Variants in IKZF3 observed in about 807,000 individuals in gnomAD.
IKZF3 encodes IKAROS family zinc finger 3, also known as zinc finger protein Aiolos.
IKZF3 carries 10 observed loss-of-function variants against 49.0 expected under a neutral mutation model. That is an observed-to-expected ratio of 0.20 (90% CI 0.13 to 0.35). The LOEUF (loss-of-function observed/expected upper bound fraction) is 0.35. Ranked by LOEUF, IKZF3 falls within the 10% of genes least tolerant of loss-of-function variation. IKZF3 has a pLI of 1.00. For synonymous variants in IKZF3, 209 were observed against 228.2 expected, an observed-to-expected ratio of 0.92 and a Z score of 0.76; for missense variants, 498 against 664.8, an observed-to-expected ratio of 0.75 and a Z score of 2.76.
intron 3 of IKZF3, among the ~76,000 whole-genome samples, chr17:39,794,656 T>C (rs1277800957): frequency 6.6e-6 from 1 of 152,188 alleles, no homozygotes; most frequent in African/African-American, 2.4e-5. Flanking sequence ...GTAGGATAAG[T>C]CCAACATGTT....
chr17:39,802,606 CA>C (rs34276646), intron 3 of IKZF3, among the ~76,000 whole-genome samples: 12,927 of 94,606 alleles, frequency 0.14, 1,064 homozygotes, highest in African/African-American at 0.31. Flanking sequence ...GACCCTGTCT[CA>C]AAAAAAAAAA....
intron 3 of IKZF3, among the ~76,000 whole-genome samples, chr17:39,812,584 C>T (rs2144113406): frequency 6.6e-6 from 1 of 152,326 alleles, no homozygotes; most frequent in East Asian, 1.9e-4. Flanking sequence ...CACTGGGACT[C>T]CTCATTTATC....
chr17:39,850,351 TA>T (rs1330783200), intron 1 of IKZF3, among the ~76,000 whole-genome samples: 1 of 130,350 alleles, frequency 7.7e-6, no homozygotes, highest in Non-Finnish European at 1.5e-5. Context: ...CATGTACATA[TA>T]ATATATAGCA....
chr17:39,808,717 T>A (rs2144075168), intron 3 of IKZF3, among the ~76,000 whole-genome samples: 1 of 152,336 alleles, frequency 6.6e-6, no homozygotes, highest in East Asian at 1.9e-4. Flanking sequence ...TAAAGAATTA[T>A]CTTTTCTTTA....
At chr17:39,780,725 G>A (rs2060720239) in intron 6 of IKZF3, among the ~76,000 whole-genome samples, 1 of 151,858 alleles carries the variant, frequency 6.6e-6, no homozygotes, top group African/African-American at 2.4e-5. Flanking sequence ...GGTGGCACTA[G>A]CCCATAGTCC....
At chr17:39,791,016 A>G (rs2061004922) in intron 5 of IKZF3, among the ~76,000 whole-genome samples, 1 of 152,160 alleles carries the variant, frequency 6.6e-6, no homozygotes, top group Non-Finnish European at 1.5e-5. Flanking sequence ...TTCATAATTT[A>G]CAAACTGTAC....
chr17:39,807,401 CT>C (rs1257023793), intron 3 of IKZF3, among the ~76,000 whole-genome samples: 5,193 of 136,122 alleles, frequency 0.038, 245 homozygotes, highest in African/African-American at 0.12. Context: ...CAATGATATT[CT>C]TTTTTTTTTT....
chr17:39,804,685 G>A (rs547842554), intron 3 of IKZF3, among the ~76,000 whole-genome samples: 84 of 152,190 alleles, frequency 5.5e-4, no homozygotes, highest in African/African-American at 1.7e-3. Context: ...GCCCATTGTG[G>A]TCTGGCTTCT....
rs1389479503 is a variant in IKZF3, at chr17:39,763,507, G to T, written c.*2283C>A. The T allele has an allele frequency of 4.0e-5, 6 of 151,578 alleles. No homozygotes were observed. The highest frequency in any genetic ancestry group is 1.5e-4 in the African/African-American group (6 of 41,220). 9.4% of individuals were successfully genotyped at this position (151,578 alleles called of 1,614,324 possible). ...ATTTCTTAAAAAGTAAAAAAAAAAA[G>T]AAGGCTTTGGCAAACAGCTGCATGT... On this transcript the variant is annotated 3_prime_UTR_variant, in exon 8 of 8. Coordinates refer to ENST00000346872, the MANE Select transcript of IKZF3 (RefSeq NM_012481.5).
chr17:39,790,894 TAAA>T (rs563957346), intron 5 of IKZF3, among the ~76,000 whole-genome samples: 2 of 134,824 alleles, frequency 1.5e-5, no homozygotes, highest in Admixed American at 7.5e-5. Context: ...CATGTTTATT[TAAA>T]AAAAAAAAAA....
chr17:39,773,407 C>CT (rs1362729155), intron 7 of IKZF3, among the ~76,000 whole-genome samples: 2 of 152,050 alleles, frequency 1.3e-5, no homozygotes, highest in South Asian at 2.1e-4. Flanking sequence ...TGGAAAAATA[C>CT]TTTTTTTTCT....
At chr17:39,789,588 C>T (rs9913795) in intron 5 of IKZF3, among the ~76,000 whole-genome samples, 11,669 of 151,426 alleles carry the variant, frequency 0.077, 827 homozygotes, top group African/African-American at 0.19. Flanking sequence ...ATTAGCCGGG[C>T]GTCGTGGTAG....
chr17:39,765,188 T>G lies in IKZF3; in HGVS notation c.*602A>C, dbSNP rs1437989181. The G allele has an allele frequency of 6.6e-6, 1 of 152,412 alleles. No homozygotes were observed. Among genetic ancestry groups the G allele is most frequent in the African/African-American group, 2.4e-5 (1 of 41,448 alleles). 9.4% of individuals were successfully genotyped at this position (152,412 alleles called of 1,614,324 possible). ...GTAAAGGACAGAAGCAGAAGTGCCA[T>G]CAGATGACATTTTTTAAAAATGTTG... On this transcript the variant is annotated 3_prime_UTR_variant, in exon 8 of 8. Coordinates refer to ENST00000346872, the MANE Select transcript of IKZF3 (RefSeq NM_012481.5).
intron 1 of IKZF3, among the ~76,000 whole-genome samples, chr17:39,847,315 G>T (rs184687982): frequency 6.6e-6 from 1 of 152,020 alleles, no homozygotes; most frequent in Non-Finnish European, 1.5e-5. Context: ...TATTAGAATC[G>T]AAATTATTAT....
At chr17:39,800,211 TTATAA>T (rs1409039959) in intron 3 of IKZF3, among the ~76,000 whole-genome samples, 1 of 152,230 alleles carries the variant, frequency 6.6e-6, no homozygotes, top group African/African-American at 2.4e-5. Context: ...TCTAATCTTC[TTATAA>T]TATATATCAG....
intron 6 of IKZF3, among the ~76,000 whole-genome samples, chr17:39,785,278 G>T (rs955530131): frequency 6.6e-6 from 1 of 152,128 alleles, no homozygotes; most frequent in Non-Finnish European, 1.5e-5. Context: ...GAACTGAGAT[G>T]CAGTAACTTG....
At chr17:39,835,409 C>T (rs1255178177) in intron 1 of IKZF3, 2 of 470,148 alleles carry the variant, frequency 4.3e-6, no homozygotes, top group African/African-American at 2.0e-5. Flanking sequence ...ACAATGGCGG[C>T]CTCCAGGGAA....
chr17:39,798,975 T>A (rs1044426643), intron 3 of IKZF3, among the ~76,000 whole-genome samples: 1 of 132,120 alleles, frequency 7.6e-6, no homozygotes, highest in African/African-American at 2.9e-5. Flanking sequence ...GCAGAAGCTA[T>A]ACAGATTGTG....
Position 39,837,263 on chromosome 17 carries a change from T to TTTCCATA in IKZF3, c.8-5113_8-5112insTATGGAA, listed in dbSNP as rs1347447858. 9.2e-5 allele frequency among the ~76,000 whole-genome samples: 14 copies of TTTCCATA among 152,192 alleles called. No individual in the cohort carries two copies. The East Asian group carries it at 9.7e-4, about 11-fold the overall frequency. On this transcript the variant is annotated intron_variant, in intron 1 of 7. Transcript: ENST00000346872. Reference sequence around the variant, plus strand: ...TGCTTTTCATTTTTTCATAAAGATTTGAGTTCTGATCTGGTATCACGTCCC... The same window carrying TTTCCATA: ...TGCTTTTCATTTTTTCATAAAGATTTTTCCATAGAGTTCTGATCTGGTATCACGTCCC...
Sources: gnomAD v4.1 joint callset for allele counts (sites outside exome capture counted in the v4.1 genomes callset) on GRCh38, gnomAD v4.1.1 for gene constraint, MANE v1.5 for transcripts, NCBI Gene and HGNC (gene_info 2026-07-23, HGNC 2026-07-21) for gene names.